Variants in ZNF75D observed in about 807,000 individuals in gnomAD.
ZNF75D encodes zinc finger protein 75D, also known as zinc finger protein 75.
Under a neutral mutation model 33.3 loss-of-function variants are expected in ZNF75D, and 33 were observed. That is an observed-to-expected ratio of 0.99 (90% confidence interval 0.75 to 1.32). The LOEUF is 1.32. Among genes scored for constraint, ZNF75D ranks in the 40% most tolerant of loss-of-function variants. ZNF75D has a pLI of 0.00. For synonymous variants in ZNF75D, 113 were observed against 130.6 expected (o/e 0.87, Z 0.92); for missense variants, 338 against 367.5 (o/e 0.92, Z 0.66).
intron 1 of ZNF75D, among the ~76,000 whole-genome samples, chrX:135,265,428 C>A: frequency 9.0e-6 from 1 of 110,823 alleles, no homozygotes; most frequent in Non-Finnish European, 1.9e-5. Flanking sequence ...TCTCAGAGGT[C>A]AAATATAAAG....
intron 6 of ZNF75D, among the ~76,000 whole-genome samples, chrX:135,289,491 C>G (rs1602601008): frequency 1.8e-5 from 2 of 111,087 alleles, no homozygotes; most frequent in Non-Finnish European, 3.8e-5. Context: ...TGCCACACAC[C>G]TGTAGTCCCA....
chrX:135,321,400 A>G (rs1556434197), intron 1 of ZNF75D, among the ~76,000 whole-genome samples: 1 of 112,050 alleles, frequency 8.9e-6, no homozygotes, highest in Non-Finnish European at 1.9e-5. Flanking sequence ...GTTTCTTTTG[A>G]TTAATTAGAA....
chrX:135,258,579 T>C (rs1225636184), intron 1 of ZNF75D, among the ~76,000 whole-genome samples: 1 of 112,221 alleles, frequency 8.9e-6, no homozygotes. Flanking sequence ...CCCTGTTGGC[T>C]GCATAGATGT....
chrX:135,283,807 G>T (rs1372793166), downstream of ZNF75D, among the ~76,000 whole-genome samples: 1 of 111,564 alleles, frequency 9.0e-6, no homozygotes, highest in Non-Finnish European at 1.9e-5. Flanking sequence ...AGGCCCATGG[G>T]TAGAAACCAT....
chrX:135,302,041 G>C (rs782225738), intron 1 of ZNF75D, among the ~76,000 whole-genome samples: 19 of 112,352 alleles, frequency 1.7e-4, no homozygotes, highest in African/African-American at 5.8e-4. Context: ...CTTGGGGCTT[G>C]TACCCTCTGA....
rs2084057410 is a variant in ZNF75D at position 135,292,453 on chromosome X, T to C, written c.432A>G (p.Gly144=). 1.7e-6 allele frequency: 2 copies of C among 1,209,692 alleles called. No individual in the cohort carries two copies. Among genetic ancestry groups the C allele is most frequent in the Non-Finnish European group, 2.2e-6 (2 of 895,059 alleles). ...TTCCTCCCAAGAGCACTGCCTCCTT[T>C]CCCAGCTCATGGGCTGTGACCTAGA... The part of the protein sequence containing the change: ...TKNEVTAHEL[G]KEAVLLGGTA... Residue 144 remains glycine (G), a synonymous_variant, in exon 4 of 7, where the codon GGA becomes GGG. Transcript: ENST00000370766.
intron 1 of ZNF75D, among the ~76,000 whole-genome samples, chrX:135,305,878 C>T (rs1408995007): frequency 1.8e-5 from 2 of 111,810 alleles, no homozygotes; most frequent in East Asian, 5.6e-4. Context: ...GAACAAAAGG[C>T]ACATCCAACC....
At position 135,343,266 on chromosome X, in the gene ZNF75D, C is replaced by T. The variant is rs1296059727; in HGVS notation, c.-1889G>A. 2.7e-5 allele frequency: 3 copies of T among 112,674 alleles called. No individual in the cohort carries two copies. Among genetic ancestry groups the T allele is most frequent in the Non-Finnish European group, 3.8e-5 (2 of 53,312 alleles). 9.3% of individuals were successfully genotyped at this position (112,674 alleles called of 1,213,427 possible). A position where few individuals can be genotyped will look rare whatever the true frequency, so the allele number is the denominator to read the frequency against. On this transcript the variant is annotated 5_prime_UTR_variant, in exon 1 of 7. Transcript: ENST00000370766. ...AAAACCTCTCTCTCACTCACCTATT[C>T]CCTCAGTTTCACAAGCTCTCTCTTT...
chrX:135,258,175 G>C (rs1378296951), intron 1 of ZNF75D, among the ~76,000 whole-genome samples: 3 of 74,098 alleles, frequency 4.0e-5, no homozygotes, highest in East Asian at 6.0e-4. Context: ...GTATTCCATG[G>C]TGTATAATCC....
At position 135,305,159 on chromosome X, in the gene ZNF75D, G is replaced by A. The variant is rs187082912; in HGVS notation, c.-390-9120C>T. Among the ~76,000 whole-genome samples, 105 of 111,462 alleles carry A rather than the reference G, an allele frequency of 9.4e-4. No individual in the cohort carries two copies. In the South Asian group the frequency reaches 0.014, roughly 15 times the overall value. The stretch of plus-strand genomic sequence containing the variant: ...CCCTGGGAATTAGCTCAAATTGCCC[G>A]ACACAGTCTCCCATAGGATCCCCCT... On this transcript the variant is annotated intron_variant, in intron 1 of 6. Transcript: ENST00000370766.
chrX:135,339,237 T>C (rs1556443749), intron 1 of ZNF75D, among the ~76,000 whole-genome samples: 1 of 111,800 alleles, frequency 8.9e-6, no homozygotes, highest in Non-Finnish European at 1.9e-5. Context: ...GATGGTGGTA[T>C]TGATGGTTTC....
intron 1 of ZNF75D, among the ~76,000 whole-genome samples, chrX:135,256,678 G>A (rs1474674986): frequency 9.0e-6 from 1 of 111,438 alleles, no homozygotes; most frequent in East Asian, 2.8e-4. Context: ...CGGAGCCCTT[G>A]TGCCATCCCT....
chrX:135,289,548 G>A (rs2084005010), intron 6 of ZNF75D, among the ~76,000 whole-genome samples: 1 of 109,661 alleles, frequency 9.1e-6, no homozygotes, highest in Admixed American at 9.7e-5. Flanking sequence ...CCTGGGAGGT[G>A]AAGGTTGCAG....
intron 2 of ZNF75D, among the ~76,000 whole-genome samples, chrX:135,295,465 G>A (rs1156297718): frequency 8.9e-6 from 1 of 112,094 alleles, no homozygotes; most frequent in Non-Finnish European, 1.9e-5. Context: ...ACCTTTGAGT[G>A]TGCTTCACTA....
downstream of ZNF75D, among the ~76,000 whole-genome samples, chrX:135,283,689 G>A (rs1354001114): frequency 8.9e-6 from 1 of 111,941 alleles, no homozygotes; most frequent in Non-Finnish European, 1.9e-5. Context: ...TGAAAGAATG[G>A]AAGTGGCAAA....
At chrX:135,326,471 C>T (rs76061400) in intron 1 of ZNF75D, among the ~76,000 whole-genome samples, 4 of 111,883 alleles carry the variant, frequency 3.6e-5, no homozygotes, top group African/African-American at 6.5e-5. Flanking sequence ...CACCAATCAG[C>T]GCCCTGTCAA....
chrX:135,326,006 G>A (rs1178145442), intron 1 of ZNF75D, among the ~76,000 whole-genome samples: 1 of 111,926 alleles, frequency 8.9e-6, no homozygotes, highest in Non-Finnish European at 1.9e-5. Context: ...CTCAGGGTTT[G>A]TGAATGCACC....
At chrX:135,256,826 A>G (rs981219499) in intron 1 of ZNF75D, among the ~76,000 whole-genome samples, 2 of 112,232 alleles carry the variant, frequency 1.8e-5, no homozygotes, top group Non-Finnish European at 3.8e-5. Flanking sequence ...ATTATGTTGC[A>G]TCTTTGATAC....
At chrX:135,258,386 G>C (rs1319046596) in intron 1 of ZNF75D, among the ~76,000 whole-genome samples, 1 of 110,635 alleles carries the variant, frequency 9.0e-6, no homozygotes, top group African/African-American at 3.3e-5. Flanking sequence ...CTCCCACAAT[G>C]GTTGAACCAA....
Sources: allele counts gnomAD v4.1 joint callset (sites outside exome capture counted in the v4.1 genomes callset), GRCh38; gene constraint gnomAD v4.1.1; transcripts MANE v1.5; gene names NCBI Gene and HGNC (gene_info 2026-07-23, HGNC 2026-07-21).